NPTN: variants seen among roughly 807,000 people sequenced by gnomAD.
NPTN encodes the protein SDR-1.
A neutral mutation model predicts 42.7 loss-of-function variants in NPTN; 5 were observed. The observed-to-expected ratio is 0.12, with a 90% CI of 0.06 to 0.25. The LOEUF is 0.25. Among genes scored for constraint, NPTN ranks in the 10% least tolerant of loss-of-function variants. The pLI is 1.00. For missense variants in NPTN, 307 were observed against 525.4 expected, an observed-to-expected ratio of 0.58 and a Z score of 4.06; for synonymous variants, 180 against 201.9, an observed-to-expected ratio of 0.89 and a Z score of 0.92.
chr15:73,592,110 A>C lies in NPTN; in HGVS notation c.467T>G (p.Val156Gly), dbSNP rs766221405. The C allele has an allele frequency of 2.5e-6, 4 of 1,613,708 alleles. No homozygotes were observed. The highest frequency in any genetic ancestry group is 3.4e-6 in the Non-Finnish European group (4 of 1,179,832). ...QKPRIVTSEE[V>G]IIRDSPVLPV... ...GAGAACAGGGCTGTCTCGAATAATGACCTCTTCACTGGTGACAATCCTTGG... is the reference window on the plus strand; with the variant it reads ...GAGAACAGGGCTGTCTCGAATAATGCCCTCTTCACTGGTGACAATCCTTGG... Residue 156 changes from valine to glycine, a missense_variant, in exon 3 of 9, where the codon GTC (valine) becomes GGC (glycine). Physicochemically the swap from Val to Gly is moderately radical, Grantham distance 109 (BLOSUM62 -3). Around this residue, in one of 2 missense-constraint regions of NPTN, gnomAD observed 264 missense variants for 491.1 expected, o/e 0.54. Coordinates refer to ENST00000345330, the MANE Select transcript of NPTN (RefSeq NM_012428.4).
intron 4 of NPTN, among the ~76,000 whole-genome samples, chr15:73,582,881 G>A (rs1896122499): frequency 6.6e-6 from 1 of 152,180 alleles, no homozygotes; most frequent in Non-Finnish European, 1.5e-5. Flanking sequence ...CTCCCGTGCT[G>A]GATGCTTCCT....
rs137891018 is a variant in NPTN at position 73,568,141 on chromosome 15, T to TG, written c.1114+2008dup. ...AGAGCTGCTTCCCTGGGCAGGTGTC[T>TG]GCACTTATCCAACAGAACAATCCTA... On this transcript the variant is annotated intron_variant, in intron 6 of 8. Transcript: ENST00000345330. 1.3e-3 allele frequency: 1,252 copies of TG among 985,482 alleles called. 16 individuals are homozygous for TG. The African/African-American group carries it at 0.021, about 16-fold the overall frequency. 61.0% of individuals were successfully genotyped at this position (985,482 alleles called of 1,614,324 possible). A position where few individuals can be genotyped will look rare whatever the true frequency, so the allele number is the denominator to read the frequency against.
At chr15:73,590,102 T>C (rs1004986665) in intron 3 of NPTN, among the ~76,000 whole-genome samples, 1 of 152,010 alleles carries the variant, frequency 6.6e-6, no homozygotes, top group Non-Finnish European at 1.5e-5. Flanking sequence ...TCCATGCCTA[T>C]AGGCTGAAAA....
chr15:73,570,706 TA>T lies in NPTN; in HGVS notation c.841-284del, dbSNP rs1259874213. ...GACTCAGAAAAGTCCAACAACCTAG[TA>T]AATGCTGCCTCCAACACCAGGTAAG... is the stretch of plus-strand genomic sequence containing the variant. On this transcript the variant is annotated intron_variant, in intron 5 of 8. Transcript: ENST00000345330. The surrounding 1 kb of genome is among the most constrained non-coding windows in gnomAD (Gnocchi z 4.0). Among the ~76,000 whole-genome samples, 1 of 152,112 alleles carries T rather than the reference TA, an allele frequency of 6.6e-6. No homozygotes were observed. The highest frequency in any genetic ancestry group is 1.5e-5 in the Non-Finnish European group (1 of 68,018).
chr15:73,599,205 C>T (rs1004627656), intron 1 of NPTN, among the ~76,000 whole-genome samples: 1 of 152,078 alleles, frequency 6.6e-6, no homozygotes, highest in Non-Finnish European at 1.5e-5. Flanking sequence ...CCCCCAAGCC[C>T]CTGCATGAAG....
In NPTN at chr15:73,577,984, T is replaced by G. The variant is rs547419875; in HGVS notation, c.707-4189A>C. ...CCCAGCAAAAAAGAAAAGAAGGGAG[T>G]AGGTCACACATATCTGTAGGAAGAA... On this transcript the variant is annotated intron_variant, in intron 4 of 8. Coordinates refer to ENST00000345330, the MANE Select transcript of NPTN (RefSeq NM_012428.4). Among the ~76,000 whole-genome samples, 4 of 151,860 alleles carry G rather than the reference T, an allele frequency of 2.6e-5. No individual in the cohort carries two copies. The East Asian group carries it at 7.7e-4, about 29-fold the overall frequency.
At position 73,569,504 on chromosome 15, in the gene NPTN, CTAG is replaced by C; in HGVS notation, c.1114+643_1114+645del. 2.0e-6 allele frequency: 2 copies of C among 985,438 alleles called. No homozygotes were observed. The highest frequency in any genetic ancestry group is 5.2e-4 in the Middle Eastern group (1 of 1,914). 61.0% of individuals were successfully genotyped at this position (985,438 alleles called of 1,614,324 possible). A position where few individuals can be genotyped will look rare whatever the true frequency, so the allele number is the denominator to read the frequency against. ...CCGCCTTTGCTATCTCTGTCTTACA[CTAG>C]ATGGGTGGATACATCAGACTCTCCT... On this transcript the variant is annotated intron_variant, in intron 6 of 8. Transcript: ENST00000345330. This position sits in a 1 kb window ranked among gnomAD's most constrained non-coding sequence, Gnocchi z 4.1.
chr15:73,598,327 T>C (rs769320810), intron 1 of NPTN, among the ~76,000 whole-genome samples: 33 of 152,140 alleles, frequency 2.2e-4, no homozygotes, highest in Non-Finnish European at 4.9e-4. Context: ...CCTGATGAAT[T>C]AAACTAAACA....
intron 4 of NPTN, among the ~76,000 whole-genome samples, chr15:73,578,435 T>C (rs1365047434): frequency 6.6e-6 from 1 of 151,972 alleles, no homozygotes; most frequent in Non-Finnish European, 1.5e-5. Flanking sequence ...ATTTTGGAGG[T>C]TGAGTTAACA....
intron 1 of NPTN, among the ~76,000 whole-genome samples, chr15:73,611,379 A>G (rs1416435928): frequency 6.6e-6 from 1 of 152,176 alleles, no homozygotes; most frequent in Admixed American, 6.5e-5. Flanking sequence ...AAACAGTAAA[A>G]TACTATTCAA....
chr15:73,587,427 T>C lies in NPTN; in HGVS notation c.706+97A>G, dbSNP rs531216494. 5.1e-5 allele frequency: 43 copies of C among 845,554 alleles called. No homozygotes were observed. The African/African-American group carries it at 6.4e-4, about 13-fold the overall frequency. The allele number at this position is 845,554 out of a possible 1,614,324, so 52.4% of individuals were successfully genotyped here. Reference sequence around the variant, plus strand: ...CACAACATTATATTGTGTCTCGACATGGAAAGAAGAGGAGCTTGAAGACTG... The same window carrying C: ...CACAACATTATATTGTGTCTCGACACGGAAAGAAGAGGAGCTTGAAGACTG... On this transcript the variant is annotated intron_variant, in intron 4 of 8. Transcript: ENST00000345330.
At chr15:73,603,991 C>A (rs1314065220) in intron 1 of NPTN, among the ~76,000 whole-genome samples, 2 of 152,106 alleles carry the variant, frequency 1.3e-5, no homozygotes, top group African/African-American at 4.8e-5. Context: ...CTACTCTATG[C>A]AAATGTTAAG....
chr15:73,625,378 T>C (rs145753122), intron 1 of NPTN, among the ~76,000 whole-genome samples: 7,637 of 151,910 alleles, frequency 0.05, 206 homozygotes, highest in South Asian at 0.094. Flanking sequence ...TGAGACGGAG[T>C]CTGGCCCTGT....
chr15:73,566,672 A>C (rs1008601081), intron 6 of NPTN, among the ~76,000 whole-genome samples: 1 of 152,214 alleles, frequency 6.6e-6, no homozygotes, highest in African/African-American at 2.4e-5. Context: ...GGTGCACCCA[A>C]GCAGGTGCCC....
intron 1 of NPTN, among the ~76,000 whole-genome samples, chr15:73,601,600 A>G (rs1386247087): frequency 6.6e-6 from 1 of 152,226 alleles, no homozygotes; most frequent in Non-Finnish European, 1.5e-5. Context: ...TGGGAGGCCA[A>G]CAGAAGCATC....
chr15:73,593,455 C>G (rs1374650475), intron 2 of NPTN, among the ~76,000 whole-genome samples: 1 of 152,172 alleles, frequency 6.6e-6, no homozygotes, highest in Non-Finnish European at 1.5e-5. Context: ...CTTCCCATTT[C>G]CCTGTGTCTA....
intron 4 of NPTN, among the ~76,000 whole-genome samples, chr15:73,586,246 C>T (rs985671230): frequency 6.6e-5 from 10 of 152,218 alleles, no homozygotes; most frequent in African/African-American, 2.4e-4. Context: ...ATTTGGCTCA[C>T]CTAGGCTGGG....
chr15:73,590,272 T>C (rs1371799129), intron 3 of NPTN, among the ~76,000 whole-genome samples: 1 of 152,074 alleles, frequency 6.6e-6, no homozygotes, highest in Non-Finnish European at 1.5e-5. Flanking sequence ...TCACGAAATG[T>C]AGAATCCCTG....
At chr15:73,624,362 C>G (rs1193808964) in intron 1 of NPTN, among the ~76,000 whole-genome samples, 1 of 152,104 alleles carries the variant, frequency 6.6e-6, no homozygotes, top group African/African-American at 2.4e-5. Flanking sequence ...ATTTCATCTC[C>G]CTTGATGCAC....
Sources: gnomAD v4.1 joint callset for allele counts (sites outside exome capture counted in the v4.1 genomes callset) on GRCh38, gnomAD v4.1.1 for gene constraint, gnomAD v4.1.1 regional missense constraint, Gnocchi (gnomAD v3.1) non-coding constraint, MANE v1.5 for transcripts, NCBI Gene and HGNC (gene_info 2026-07-23, HGNC 2026-07-21) for gene names.